Variants in POLA2 observed in about 807,000 individuals in gnomAD.
POLA2 encodes DNA polymerase alpha subunit B.
In POLA2, 47 loss-of-function variants were observed where a neutral mutation model predicts 82.8. The observed-to-expected ratio is 0.57, with a 90% confidence interval of 0.45 to 0.72. The LOEUF is 0.72. Among genes scored for constraint, POLA2 ranks in the 30% least tolerant of loss-of-function variants. The pLI is 0.00. For missense variants in POLA2, 634 were observed against 728.1 expected (o/e 0.87, Z 1.49); for synonymous variants, 287 against 286.8 (o/e 1.00, Z -0.01).
At chr11:65,267,337 T>A (rs867792021) in intron 2 of POLA2, 140 bp from the exon 3 acceptor site, 1 of 566,122 alleles carries the variant, frequency 1.8e-6, no homozygotes, top group Middle Eastern at 4.4e-4. Flanking sequence ...TTGTTTTTAG[T>A]CTGTGTGTAT....
intron 3 of POLA2, among the ~76,000 whole-genome samples, chr11:65,268,468 C>T (rs1318057457): frequency 6.6e-6 from 1 of 151,682 alleles, no homozygotes; most frequent in Non-Finnish European, 1.5e-5. Flanking sequence ...TCTCCTGCCT[C>T]AGCCTCCCGA....
Position 65,287,789 on chromosome 11 carries a change from G to A in POLA2, c.1080G>A (p.Leu360=), listed in dbSNP as rs1296325598. 2 of 1,613,830 alleles carry A rather than the reference G, an allele frequency of 1.2e-6. No individual in the cohort carries two copies. Among genetic ancestry groups the A allele is most frequent in the African/African-American group, 1.3e-5 (1 of 74,920 alleles). The change falls in exon 11 of 18, where the codon CTG becomes CTA. Residue 360 remains leucine, a synonymous_variant. Coordinates refer to ENST00000265465, the MANE Select transcript of POLA2 (RefSeq NM_002689.4). ...CTGACAGCATCACGTATGACCCCCTGCTTGACCTGATTGCTGTCATCAACC... is the reference window on the plus strand; with the variant it reads ...CTGACAGCATCACGTATGACCCCCTACTTGACCTGATTGCTGTCATCAACC... ...TTSDSITYDP[L]LDLIAVINHD...
At position 65,295,939 on chromosome 11, in the gene POLA2, T is replaced by A. The variant is rs772516730; in HGVS notation, c.1596T>A (p.Pro532=). The part of the protein sequence containing the change: ...YESFYVYAQL[P]VTPDVLIIPS... ...CGTTCTATGTTTACGCACAGCTGCC[T>A]GTCACCCCAGATGTCCTCATCATCC... The change falls in exon 17 of 18, where the codon CCT becomes CCA. Residue 532 remains proline, a synonymous_variant. Transcript: ENST00000265465. The A allele has an allele frequency of 6.2e-7, 1 of 1,614,028 alleles. No homozygotes were observed.
intron 4 of POLA2, among the ~76,000 whole-genome samples, chr11:65,270,266 C>T (rs770944895): frequency 6.6e-6 from 1 of 152,126 alleles, no homozygotes; most frequent in Non-Finnish European, 1.5e-5. Context: ...CCTGTAATCC[C>T]AGCACTCCGG....
At chr11:65,263,074 C>T (rs548409912) in intron 1 of POLA2, among the ~76,000 whole-genome samples, 1 of 152,186 alleles carries the variant, frequency 6.6e-6, no homozygotes. Flanking sequence ...GTTCTAGAAT[C>T]GGTATGAATG....
rs10678048 is a variant in POLA2, at chr11:65,267,654, A to AAAT, written c.296+92_296+94dup. 6,832 of 909,604 alleles carry AAAT rather than the reference A, an allele frequency of 7.5e-3. 320 individuals carry two copies. The African/African-American group carries it at 0.1, about 14-fold the overall frequency. The allele number at this position is 909,604 out of a possible 1,614,324, so 56.3% of individuals were successfully genotyped here. On this transcript the variant is annotated intron_variant, in intron 3 of 17. Coordinates refer to ENST00000265465, the MANE Select transcript of POLA2 (RefSeq NM_002689.4). Reference sequence around the variant, plus strand: ...GTAGTCGCATGTGTAATTTAAAAACAAATAATAAGGCCGGGCACGGTGGCT... The same window carrying AAAT: ...GTAGTCGCATGTGTAATTTAAAAACAAATAATAATAAGGCCGGGCACGGTGGCT...
In POLA2 at chr11:65,274,372, G is replaced by A. The variant is rs145138044; in HGVS notation, c.355-1520G>A. Among the ~76,000 whole-genome samples, 41 of 147,004 alleles carry A rather than the reference G, an allele frequency of 2.8e-4. No homozygotes were observed. The East Asian group carries it at 7.5e-3, about 27-fold the overall frequency. Reference sequence around the variant, plus strand: ...CAAGAGCGAAGTGAAATTCCGTCTCGGAAAAAAAAAAAGGGAAAAAGATTG... The same window carrying A: ...CAAGAGCGAAGTGAAATTCCGTCTCAGAAAAAAAAAAAGGGAAAAAGATTG... On this transcript the variant is annotated intron_variant, in intron 4 of 17. Transcript: ENST00000265465.
chr11:65,278,809 T>A lies in POLA2; in HGVS notation c.541T>A (p.Ser181Thr), dbSNP rs762088462. Residue 181 changes from serine to threonine, a missense_variant, in exon 6 of 18, where the codon TCT becomes ACT. Physicochemically the swap from Ser to Thr is moderately conservative, Grantham distance 58. Transcript: ENST00000265465. ...CTCCTTCGGCTTAGCACAGGGAGTA[T>A]CTTGGTCTGGGAGAGGAGGAGCTGG... ...VTSFGLAQGV[S>T]WSGRGGAGNI... 1 of 1,613,796 alleles carries A rather than the reference T, an allele frequency of 6.2e-7. No individual in the cohort carries two copies. The highest frequency in any genetic ancestry group is 8.5e-7 in the Non-Finnish European group (1 of 1,180,018).
chr11:65,300,076 C>T (rs1949851458), downstream of POLA2, among the ~76,000 whole-genome samples: 1 of 152,212 alleles, frequency 6.6e-6, no homozygotes, highest in Non-Finnish European at 1.5e-5. Context: ...ATTTTCATCA[C>T]CCCAAAGGAA....
chr11:65,274,893 C>T (rs1949560692), intron 4 of POLA2, among the ~76,000 whole-genome samples: 1 of 152,074 alleles, frequency 6.6e-6, no homozygotes, highest in Non-Finnish European at 1.5e-5. Flanking sequence ...TGAGGTCTCG[C>T]CGTTGCCCAG....
intron 2 of POLA2, among the ~76,000 whole-genome samples, chr11:65,266,937 G>A (rs1486566770): frequency 4.6e-5 from 7 of 152,184 alleles, no homozygotes; most frequent in African/African-American, 9.7e-5. Context: ...GCTGGGCGCC[G>A]TGGCTCATGC....
chr11:65,282,375 C>T (rs991067379), intron 9 of POLA2, 104 bp from the exon 10 acceptor site: 1 of 889,470 alleles, frequency 1.1e-6, no homozygotes, highest in Non-Finnish European at 1.9e-6. Flanking sequence ...CCCCACTGTC[C>T]TCCCATCACA....
At chr11:65,290,637 TAAAACACAAAGATAAACATACTTGAC>T (rs965570814) in intron 13 of POLA2, among the ~76,000 whole-genome samples, 2 of 152,208 alleles carry the variant, frequency 1.3e-5, no homozygotes, top group Admixed American at 1.3e-4. Flanking sequence ...GGCATCTCTG[TAAAACACAAAGATAAACATACTTGAC>T]AAGGCTGCAT....
At chr11:65,301,232 C>G (rs534614948), downstream of POLA2, among the ~76,000 whole-genome samples, 3 of 152,068 alleles carry the variant, frequency 2.0e-5, no homozygotes, top group Admixed American at 1.3e-4. Flanking sequence ...GTGATGGGCC[C>G]GGAATGGTGC....
At chr11:65,288,925 A>T in intron 11 of POLA2, 125 bp from the exon 12 acceptor site, 2 of 855,878 alleles carry the variant, frequency 2.3e-6, no homozygotes, top group Non-Finnish European at 3.8e-6. Flanking sequence ...CCCAGGCTCT[A>T]CAGGCAGCCT....
At chr11:65,303,385 A>G (rs980238114), downstream of POLA2, among the ~76,000 whole-genome samples, 5 of 150,790 alleles carry the variant, frequency 3.3e-5, no homozygotes, top group Non-Finnish European at 5.9e-5. Flanking sequence ...GGATGGGCAC[A>G]GTGGCTCATG....
At chr11:65,303,342 C>CAAAAAAA (rs917292541), downstream of POLA2, among the ~76,000 whole-genome samples, 1 of 51,620 alleles carries the variant, frequency 1.9e-5, no homozygotes, top group Non-Finnish European at 4.2e-5. Context: ...ACTCTGTCTC[C>CAAAAAAA]AAAAAAAAAA....
intron 11 of POLA2, among the ~76,000 whole-genome samples, chr11:65,288,505 G>GTTTTT (rs796257357): frequency 5.1e-5 from 5 of 98,220 alleles, no homozygotes; most frequent in Admixed American, 1.2e-4. Context: ...TTGTTCGTTT[G>GTTTTT]TTTTTTGTTT....
intron 4 of POLA2, among the ~76,000 whole-genome samples, chr11:65,272,482 T>C (rs1450843788): frequency 6.6e-6 from 1 of 152,222 alleles, no homozygotes; most frequent in Non-Finnish European, 1.5e-5. Flanking sequence ...GATTGACAGC[T>C]GTTCTTTTGC....
Sources: allele counts gnomAD v4.1 joint callset (sites outside exome capture counted in the v4.1 genomes callset), GRCh38; gene constraint gnomAD v4.1.1; transcripts MANE v1.5; gene names NCBI Gene and HGNC (gene_info 2026-07-23, HGNC 2026-07-21).